MYO9A: variants seen among roughly 807,000 people sequenced by gnomAD.
MYO9A encodes myosin IXA, also known as unconventional myosin-IXa.
A neutral mutation model predicts 293.3 loss-of-function variants in MYO9A; 103 were observed. The observed-to-expected ratio is 0.35, with a 90% CI of 0.30 to 0.41. The LOEUF (loss-of-function observed/expected upper bound fraction) is 0.41, where lower values mean the gene tolerates loss of function less well. Among genes scored for constraint, MYO9A ranks in the 10% least tolerant of loss-of-function variants. MYO9A has a pLI of 1.00. For synonymous variants in MYO9A, 1,001 were observed against 1,035.7 expected (o/e 0.97, Z 0.64); for missense variants, 2,685 against 3,033.0 (o/e 0.89, Z 2.69).
chr15:71,866,490 C>A (rs2056330693), intron 32 of MYO9A, among the ~76,000 whole-genome samples: 1 of 151,338 alleles, frequency 6.6e-6, no homozygotes, highest in Non-Finnish European at 1.5e-5. Context: ...CAGACCCCAT[C>A]TCTTAAATAA....
intron 9 of MYO9A, 57 bp from the exon 10 acceptor site, chr15:71,994,642 G>C: frequency 1.0e-6 from 1 of 994,578 alleles, no homozygotes; most frequent in Middle Eastern, 2.2e-4. Flanking sequence ...AAGATACTAT[G>C]ACAAAGTTGT....
chr15:72,071,615 G>A (rs1240389018), intron 1 of MYO9A, among the ~76,000 whole-genome samples: 1 of 151,916 alleles, frequency 6.6e-6, no homozygotes, highest in East Asian at 1.9e-4. Context: ...GTAGCACACG[G>A]CTGTAATCCC....
chr15:72,041,290 T>C (rs1008403777), intron 2 of MYO9A: 3 of 933,126 alleles, frequency 3.2e-6, no homozygotes, highest in African/African-American at 1.7e-5. Context: ...TGTATTTATT[T>C]GCCTAGTTCA....
intron 17 of MYO9A, 103 bp downstream of exon 17, chr15:71,935,238 T>A: frequency 8.8e-6 from 11 of 1,246,872 alleles, no homozygotes; most frequent in Non-Finnish European, 1.1e-5. Context: ...CCCATGAAAA[T>A]AACATTTCAC....
At chr15:71,935,699 C>T (rs769003229) in intron 16 of MYO9A, among the ~76,000 whole-genome samples, 1 of 152,124 alleles carries the variant, frequency 6.6e-6, no homozygotes, top group Non-Finnish European at 1.5e-5. Context: ...TATTCACATA[C>T]AAACGTGCAT....
At chr15:71,929,473 C>G (rs2058418233) in intron 18 of MYO9A, among the ~76,000 whole-genome samples, 1 of 152,158 alleles carries the variant, frequency 6.6e-6, no homozygotes, top group African/African-American at 2.4e-5. Context: ...CCTTCTATAC[C>G]TAATTCGTTG....
intron 8 of MYO9A, among the ~76,000 whole-genome samples, chr15:72,001,156 G>C (rs942363567): frequency 1.3e-5 from 2 of 151,944 alleles, no homozygotes; most frequent in Admixed American, 1.3e-4. Context: ...CATGATGATG[G>C]GCATGAAGTG....
At chr15:72,101,904 G>A (rs1278738440) in intron 1 of MYO9A, among the ~76,000 whole-genome samples, 7 of 152,188 alleles carry the variant, frequency 4.6e-5, no homozygotes, top group Admixed American at 2.0e-4. Context: ...GCCCCGCCCG[G>A]GAGGTGAGGG....
chr15:71,943,175 A>T (rs968488008), intron 15 of MYO9A, among the ~76,000 whole-genome samples: 2 of 151,230 alleles, frequency 1.3e-5, no homozygotes, highest in Admixed American at 6.6e-5. Context: ...TCACTCTTTC[A>T]TTTTTTTCCT....
At chr15:71,827,084 C>G in intron 41 of MYO9A, 41 bp from the exon 42 acceptor site, 1 of 1,424,208 alleles carries the variant, frequency 7.0e-7, no homozygotes, top group East Asian at 2.3e-5. Flanking sequence ...TGACAGTGCC[C>G]TCTAAAGCAA....
intron 27 of MYO9A, 135 bp from the exon 28 acceptor site, chr15:71,883,871 T>C: frequency 1.3e-6 from 1 of 797,060 alleles, no homozygotes; most frequent in African/African-American, 1.8e-5. Context: ...TAAGTGTATT[T>C]ATCTTTACTT....
intron 32 of MYO9A, among the ~76,000 whole-genome samples, chr15:71,872,566 T>C (rs1476751318): frequency 6.6e-6 from 1 of 152,174 alleles, no homozygotes; most frequent in Non-Finnish European, 1.5e-5. Context: ...ATGTAACGAA[T>C]ACTCACATGT....
chr15:71,889,005 T>C (rs2057100960), intron 26 of MYO9A, among the ~76,000 whole-genome samples: 1 of 152,150 alleles, frequency 6.6e-6, no homozygotes, highest in African/African-American at 2.4e-5. Flanking sequence ...GGGAAGTATG[T>C]TCTACACTTG....
At chr15:71,853,776 T>C (rs936054709) in intron 35 of MYO9A, among the ~76,000 whole-genome samples, 1 of 152,154 alleles carries the variant, frequency 6.6e-6, no homozygotes, top group Non-Finnish European at 1.5e-5. Flanking sequence ...TCACTAATTA[T>C]CAGTTTGAGT....
chr15:71,868,438 C>G (rs2056407645), intron 32 of MYO9A, among the ~76,000 whole-genome samples: 1 of 152,098 alleles, frequency 6.6e-6, no homozygotes, highest in Admixed American at 6.6e-5. Context: ...CTTTTAAGGG[C>G]CTATGTGGTT....
chr15:71,879,923 C>T (rs2056821957), intron 29 of MYO9A, 86 bp from the exon 30 acceptor site: 3 of 912,958 alleles, frequency 3.3e-6, no homozygotes, highest in Admixed American at 2.0e-5. Context: ...GTTGCTTCCA[C>T]AATGACTGTC....
intron 15 of MYO9A, among the ~76,000 whole-genome samples, chr15:71,943,912 A>G (rs2058844735): frequency 6.6e-6 from 1 of 152,268 alleles, no homozygotes; most frequent in Non-Finnish European, 1.5e-5. Flanking sequence ...AACATATGGG[A>G]AAAATACGCT....
At chr15:71,912,871 A>G (rs139332084) in intron 19 of MYO9A, among the ~76,000 whole-genome samples, 1 of 152,220 alleles carries the variant, frequency 6.6e-6, no homozygotes, top group African/African-American at 2.4e-5. Context: ...TCACTTAGTT[A>G]CACAAAATGT....
chr15:71,924,433 A>G (rs1428282273), intron 18 of MYO9A, among the ~76,000 whole-genome samples: 5 of 151,946 alleles, frequency 3.3e-5, no homozygotes, highest in Non-Finnish European at 7.4e-5. Context: ...TAATAGAGAC[A>G]GGGTTTTACC....
Sources: allele counts gnomAD v4.1 joint callset (sites outside exome capture counted in the v4.1 genomes callset), GRCh38; gene constraint gnomAD v4.1.1; transcripts MANE v1.5; gene names NCBI Gene and HGNC (gene_info 2026-07-23, HGNC 2026-07-21).